Variants in CSMD1 observed in about 807,000 individuals in gnomAD.
The protein encoded by CSMD1 is CUB and Sushi multiple domains 1.
In CSMD1, 213 loss-of-function variants were observed where a neutral mutation model predicts 417.5. That is an observed-to-expected ratio of 0.51 (90% CI 0.46 to 0.57). The LOEUF (loss-of-function observed/expected upper bound fraction) is 0.57. Among genes scored for constraint, CSMD1 ranks in the 20% least tolerant of loss-of-function variants. CSMD1 has a pLI of 0.00. For missense variants in CSMD1, 6,923 were observed against 4,529.7 expected (o/e 1.53, Z -15.17); for synonymous variants, 2,862 against 1,736.8 (o/e 1.65, Z -16.11).
At chr8:3,594,226 G>A (rs1298426030) in intron 8 of CSMD1, among the ~76,000 whole-genome samples, 1 of 152,106 alleles carries the variant, frequency 6.6e-6, no homozygotes, top group African/African-American at 2.4e-5. Flanking sequence ...GGCGAGCCCT[G>A]GACCGTATTA....
At chr8:3,471,437 T>G (rs939427057) in intron 11 of CSMD1, among the ~76,000 whole-genome samples, 2 of 152,178 alleles carry the variant, frequency 1.3e-5, no homozygotes, top group African/African-American at 4.8e-5. Flanking sequence ...TCCATAAGTA[T>G]TAGTTGCAGG....
intron 1 of CSMD1, among the ~76,000 whole-genome samples, chr8:4,639,931 G>T (rs946184343): frequency 6.6e-6 from 1 of 152,140 alleles, no homozygotes; most frequent in Non-Finnish European, 1.5e-5. Flanking sequence ...TATTAAAGCT[G>T]TGGGGTTTTG....
chr8:4,195,644 G>A (rs954405218), intron 3 of CSMD1, among the ~76,000 whole-genome samples: 1 of 152,136 alleles, frequency 6.6e-6, no homozygotes, highest in African/African-American at 2.4e-5. Flanking sequence ...TGGAGTTATC[G>A]ATGCTCCTTC....
chr8:4,452,500 C>T (rs1446054563), intron 2 of CSMD1, among the ~76,000 whole-genome samples: 1 of 152,188 alleles, frequency 6.6e-6, no homozygotes, highest in Non-Finnish European at 1.5e-5. Context: ...CTGCTAACTA[C>T]AGCTTTAATT....
intron 1 of CSMD1, among the ~76,000 whole-genome samples, chr8:4,696,079 G>A (rs916540561): frequency 2.6e-5 from 4 of 152,150 alleles, no homozygotes; most frequent in African/African-American, 9.7e-5. Context: ...ACGGTATCTG[G>A]TTCATGATCA....
intron 25 of CSMD1, among the ~76,000 whole-genome samples, chr8:3,288,175 C>G (rs926724625): frequency 6.8e-6 from 1 of 147,254 alleles, no homozygotes; most frequent in South Asian, 2.1e-4. Context: ...TGTGGATAAG[C>G]TTTTTGATGT....
intron 1 of CSMD1, among the ~76,000 whole-genome samples, chr8:4,991,492 GC>G (rs938030631): frequency 4.6e-5 from 7 of 152,162 alleles, no homozygotes; most frequent in African/African-American, 1.7e-4. Context: ...CACGAATTAT[GC>G]CCCACGCATC....
intron 5 of CSMD1, among the ~76,000 whole-genome samples, chr8:3,772,680 TACATATATATACAA>T (rs1798681446): frequency 1.4e-5 from 2 of 145,412 alleles, no homozygotes; most frequent in African/African-American, 2.5e-5. Flanking sequence ...TATACATATA[TACATATATATACAA>T]ATATATACAC....
chr8:4,204,637 A>C (rs1431766159), intron 3 of CSMD1, among the ~76,000 whole-genome samples: 2 of 152,272 alleles, frequency 1.3e-5, no homozygotes, highest in Non-Finnish European at 1.5e-5. Context: ...CAACAAGCCT[A>C]AATTATTTTA....
chr8:3,405,268 G>A (rs548671388), intron 15 of CSMD1, among the ~76,000 whole-genome samples: 20 of 152,062 alleles, frequency 1.3e-4, no homozygotes, highest in African/African-American at 2.7e-4. Flanking sequence ...AGCTTATTGC[G>A]CACTGACTAT....
At chr8:3,862,932 T>C (rs1804818060) in intron 5 of CSMD1, among the ~76,000 whole-genome samples, 1 of 152,134 alleles carries the variant, frequency 6.6e-6, no homozygotes, top group Non-Finnish European at 1.5e-5. Flanking sequence ...CTGGGGATTT[T>C]TAAACAGCAG....
At position 3,929,667 on chromosome 8, in the gene CSMD1, ATT is replaced by A. The variant is rs11288538; in HGVS notation, c.818+68234_818+68235del. ...ACATATTTGTATGAATAAAAATACT[ATT>A]TTTTTTTTTTGAGATGGAGTTTCAC... is the stretch of plus-strand genomic sequence containing the variant. On this transcript the variant is annotated intron_variant, in intron 5 of 69. Transcript: ENST00000635120. Among the ~76,000 whole-genome samples the A allele has an allele frequency of 3.8e-3, 550 of 145,212 alleles. 22 individuals carry two copies. The highest frequency in any genetic ancestry group is 1.0e-2 in the African/African-American group (390 of 39,132).
intron 6 of CSMD1, among the ~76,000 whole-genome samples, chr8:3,716,215 T>G (rs1349067345): frequency 2.6e-5 from 4 of 152,168 alleles, no homozygotes. Context: ...ATTGCCATAC[T>G]GTGGCTGGAA....
chr8:3,020,308 C>A (rs143237750), intron 51 of CSMD1, among the ~76,000 whole-genome samples: 85 of 152,250 alleles, frequency 5.6e-4, no homozygotes, highest in African/African-American at 1.9e-3. Flanking sequence ...AGTAGAAAAA[C>A]CTTTAGAGAT....
At chr8:3,893,322 T>C (rs1287707635) in intron 5 of CSMD1, among the ~76,000 whole-genome samples, 3 of 140,930 alleles carry the variant, frequency 2.1e-5, no homozygotes, top group Non-Finnish European at 3.1e-5. Flanking sequence ...TGTCCCAAAC[T>C]AATAATATTC....
At chr8:4,482,851 C>G (rs1801171295) in intron 2 of CSMD1, among the ~76,000 whole-genome samples, 1 of 151,926 alleles carries the variant, frequency 6.6e-6, no homozygotes, top group Admixed American at 6.6e-5. Context: ...TCTTAATTTG[C>G]TATTTATGTT....
intron 3 of CSMD1, among the ~76,000 whole-genome samples, chr8:4,371,185 G>A (rs1269527534): frequency 6.6e-6 from 1 of 152,090 alleles, no homozygotes; most frequent in Non-Finnish European, 1.5e-5. Context: ...ATACTTTAGG[G>A]GTCAAGGCTC....
rs181692199 is a variant in CSMD1, at chr8:4,776,986, C to T, written c.86-139428G>A. On this transcript the variant is annotated intron_variant, in intron 1 of 69. Transcript: ENST00000635120. ...CAATTATTTGTCAATATCAATTTAG[C>T]GTATTCTTGTAAAACAGGTGACTGA... Among the ~76,000 whole-genome samples the T allele has an allele frequency of 4.5e-4, 69 of 152,078 alleles. No individual in the cohort carries two copies. The East Asian group carries it at 7.2e-3, about 16-fold the overall frequency.
intron 3 of CSMD1, among the ~76,000 whole-genome samples, chr8:4,042,336 C>A (rs1414154645): frequency 6.6e-6 from 1 of 152,010 alleles, no homozygotes; most frequent in African/African-American, 2.4e-5. Flanking sequence ...GATAAAGGGG[C>A]CAGGTGATGC....
Sources: allele counts gnomAD v4.1 joint callset (sites outside exome capture counted in the v4.1 genomes callset), GRCh38; gene constraint gnomAD v4.1.1; transcripts MANE v1.5; gene names NCBI Gene and HGNC (gene_info 2026-07-23, HGNC 2026-07-21).